MEGF6: variants seen among roughly 807,000 people sequenced by gnomAD.
The protein encoded by MEGF6 is multiple EGF like domains 6.
MEGF6 carries 184 observed loss-of-function variants against 207.1 expected under a neutral mutation model. That is an observed-to-expected ratio of 0.89 (90% CI 0.79 to 1.00). The LOEUF is 1.00. Ranked by LOEUF, MEGF6 falls within the 50% of genes least tolerant of loss-of-function variation. MEGF6 has a pLI of 0.00. For missense variants in MEGF6, 2,282 were observed against 2,202.9 expected, an observed-to-expected ratio of 1.04 and a Z score of -0.72; for synonymous variants, 1,038 against 910.0, an observed-to-expected ratio of 1.14 and a Z score of -2.53.
At chr1:3,525,573 C>A (rs926265966) in intron 4 of MEGF6, among the ~76,000 whole-genome samples, 3 of 152,222 alleles carry the variant, frequency 2.0e-5, no homozygotes, top group Non-Finnish European at 4.4e-5. Flanking sequence ...GAGAGGACGC[C>A]TCCCATCACA....
intron 17 of MEGF6, among the ~76,000 whole-genome samples, chr1:3,503,245 C>T (rs1569972366): frequency 2.0e-5 from 3 of 152,172 alleles, no homozygotes; most frequent in South Asian, 2.1e-4. Flanking sequence ...TGGCACTCAC[C>T]GTGCCCTAGG....
chr1:3,587,310 C>A (rs1036860930), intron 3 of MEGF6, among the ~76,000 whole-genome samples: 3 of 152,252 alleles, frequency 2.0e-5, no homozygotes. Context: ...GAAGGCTCTG[C>A]CACATCAGAG....
At position 3,489,400 on chromosome 1, in the gene MEGF6, C is replaced by A. The variant is rs1273272759; in HGVS notation, c.*1128G>T. Among the ~76,000 whole-genome samples the A allele has an allele frequency of 1.3e-5, 2 of 152,226 alleles. No homozygotes were observed. Among genetic ancestry groups the A allele is most frequent in the Non-Finnish European group, 2.9e-5 (2 of 68,038 alleles). ...CCTATGTTGCGGTGTGAGTGCAGCC[C>A]TCTCCATTGGCCACCCCACTCTGCA... On this transcript the variant is annotated 3_prime_UTR_variant, in exon 37 of 37. Coordinates refer to ENST00000356575, the MANE Select transcript of MEGF6 (RefSeq NM_001409.4).
chr1:3,602,765 G>A (rs1372507380), intron 1 of MEGF6, among the ~76,000 whole-genome samples, 165 bp from the exon 2 acceptor site: 1 of 152,150 alleles, frequency 6.6e-6, no homozygotes, highest in Non-Finnish European at 1.5e-5. Context: ...GGCCAGCCGT[G>A]GGACCCAGGC....
At chr1:3,587,299 C>T (rs926190487) in intron 3 of MEGF6, among the ~76,000 whole-genome samples, 3 of 152,356 alleles carry the variant, frequency 2.0e-5, no homozygotes, top group East Asian at 1.9e-4. Context: ...GCATCTGCCC[C>T]GAAGGCTCTG....
At position 3,595,237 on chromosome 1, in the gene MEGF6, G is replaced by C. The variant is rs191770290; in HGVS notation, c.376+101C>G. ...GTTCCCTGAGTCTCTCGTGTTGCTG[G>C]GGAAGGGCGATCCCCACCAGGCCCG... On this transcript the variant is annotated intron_variant, in intron 3 of 36. Coordinates refer to ENST00000356575, the MANE Select transcript of MEGF6 (RefSeq NM_001409.4). The C allele has an allele frequency of 4.1e-4, 322 of 779,770 alleles. No individual in the cohort carries two copies. The African/African-American group carries it at 4.9e-3, about 12-fold the overall frequency. The allele number at this position is 779,770 out of a possible 1,614,324, so 48.3% of individuals were successfully genotyped here.
intron 4 of MEGF6, among the ~76,000 whole-genome samples, chr1:3,527,242 C>T (rs1195426130): frequency 6.6e-6 from 1 of 152,260 alleles, no homozygotes. Context: ...CCAGCACACA[C>T]CAAGAAGCTC....
intron 4 of MEGF6, among the ~76,000 whole-genome samples, chr1:3,542,354 T>C (rs1022629903): frequency 6.6e-6 from 1 of 152,158 alleles, no homozygotes; most frequent in Non-Finnish European, 1.5e-5. Flanking sequence ...GTTGGACCCA[T>C]TTTATAGGTG....
intron 2 of MEGF6, among the ~76,000 whole-genome samples, chr1:3,596,360 G>C (rs1331314967): frequency 1.3e-5 from 2 of 151,924 alleles, no homozygotes; most frequent in African/African-American, 4.8e-5. Flanking sequence ...AGGACATGAC[G>C]TCCCCCTCCC....
chr1:3,611,188 G>C lies in MEGF6; in HGVS notation c.81C>G (p.Pro27=). 3.9e-6 allele frequency: 6 copies of C among 1,548,486 alleles called. No individual in the cohort carries two copies. Among genetic ancestry groups the C allele is most frequent in the Non-Finnish European group, 5.2e-6 (6 of 1,157,034 alleles). The change falls in exon 1 of 37, where the codon CCC becomes CCG. Residue 27 remains proline, a synonymous_variant. Transcript: ENST00000356575. ...ALVLLLLPAV[P]VGASVPPRPL... ...GCCGCGGCGGAACGCTGGCGCCCACGGGCACGGCGGGGAGCAGCAGCAGCA... is the reference window on the plus strand; with the variant it reads ...GCCGCGGCGGAACGCTGGCGCCCACCGGCACGGCGGGGAGCAGCAGCAGCA...
chr1:3,510,979 TACG>T (rs1204226825), intron 9 of MEGF6, 77 bp from the exon 10 acceptor site: 1 of 1,533,936 alleles, frequency 6.5e-7, no homozygotes, highest in Non-Finnish European at 8.8e-7. Context: ...CACAACTGCA[TACG>T]ACCACACACA....
At position 3,498,795 on chromosome 1, in the gene MEGF6, A is replaced by ACAGTTGTC. The variant is rs1204535414; in HGVS notation, c.3118_3125dup (p.Cys1042TrpfsTer235). On this transcript the variant is annotated frameshift_variant, in exon 25 of 37. Coordinates refer to ENST00000356575, the MANE Select transcript of MEGF6 (RefSeq NM_001409.4). LOFTEE classifies it high-confidence loss of function. Reference sequence around the variant, plus strand: ...CGTTCTGGCAGAGGCAGGAATGCCGACAGTTGTCGCCGTACAGGCCGGCAG... The same window carrying ACAGTTGTC: ...CGTTCTGGCAGAGGCAGGAATGCCGACAGTTGTCCAGTTGTCGCCGTACAGGCCGGCAG... 2 of 1,555,672 alleles carry ACAGTTGTC rather than the reference A, an allele frequency of 1.3e-6. No individual in the cohort carries two copies. The highest frequency in any genetic ancestry group is 4.8e-5 in the East Asian group (2 of 41,490).
intron 4 of MEGF6, chr1:3,531,406 C>G: frequency 1.7e-6 from 2 of 1,144,520 alleles, no homozygotes; most frequent in Non-Finnish European, 1.1e-6. Context: ...GCCCGGGAGC[C>G]GCTCTGGGCC....
intron 4 of MEGF6, among the ~76,000 whole-genome samples, chr1:3,569,662 C>T (rs1468658513): frequency 1.3e-5 from 2 of 152,238 alleles, no homozygotes; most frequent in Non-Finnish European, 2.9e-5. Flanking sequence ...GAGGCCTGGT[C>T]GTCCTCTGAA....
At chr1:3,611,588 T>G (rs1644327961), upstream of MEGF6, 1 of 163,562 alleles carries the variant, frequency 6.1e-6, no homozygotes, top group Admixed American at 1.0e-4. Context: ...CCGCCCTGGC[T>G]CGCCCGCCCC....
Position 3,511,545 on chromosome 1 carries a change from C to G in MEGF6, c.1114+5G>C. The stretch of plus-strand genomic sequence containing the variant: ...TGCAGGCATCTGGGAGGAGCCAGTG[C>G]GCACCGATGCAGGTCCTCTGATCTG... On this transcript the variant is annotated splice_donor_5th_base_variant and intron_variant, in intron 9 of 36. Coordinates refer to ENST00000356575, the MANE Select transcript of MEGF6 (RefSeq NM_001409.4). 6.2e-7 allele frequency: 1 copy of G among 1,601,492 alleles called. No homozygotes were observed.
At chr1:3,616,200 C>T (rs1644377387), upstream of MEGF6, among the ~76,000 whole-genome samples, 1 of 152,148 alleles carries the variant, frequency 6.6e-6, no homozygotes, top group Non-Finnish European at 1.5e-5. Flanking sequence ...TTAATCCTTC[C>T]AGAGCTGAGA....
rs746190377 is a variant in MEGF6, at chr1:3,494,088, C to G, written c.4166G>C (p.Gly1389Ala). The change falls in exon 33 of 37, where the codon GGG becomes GCG. Residue 1389 changes from glycine (G) to alanine (A), a missense_variant. Coordinates refer to ENST00000356575, the MANE Select transcript of MEGF6 (RefSeq NM_001409.4). ...PPGFHGAGCQ[G>A]LCWCQHGAPC... The stretch of plus-strand genomic sequence containing the variant: ...GGCTCCATGTTGACACCAGCACAAC[C>G]CCTGGCAGCCAGCCCCGTGGAAGCC... The G allele has an allele frequency of 7.5e-6, 12 of 1,590,538 alleles. No homozygotes were observed. Among genetic ancestry groups the G allele is most frequent in the Non-Finnish European group, 1.0e-5 (12 of 1,166,922 alleles).
chr1:3,559,498 G>C (rs572614414), intron 4 of MEGF6, among the ~76,000 whole-genome samples: 1 of 134,332 alleles, frequency 7.4e-6, no homozygotes, highest in Non-Finnish European at 1.5e-5. Context: ...CTCCAACCTG[G>C]ACAAAGAGCT....
Sources: gnomAD v4.1 joint callset for allele counts (sites outside exome capture counted in the v4.1 genomes callset) on GRCh38, gnomAD v4.1.1 for gene constraint, MANE v1.5 for transcripts, NCBI Gene and HGNC (gene_info 2026-07-23, HGNC 2026-07-21) for gene names.